GNA14: variants seen among roughly 807,000 people sequenced by gnomAD.
GNA14 encodes the protein guanine nucleotide-binding protein subunit alpha-14.
GNA14 carries 50 observed loss-of-function variants against 42.0 expected under a neutral mutation model. That is an observed-to-expected ratio of 1.19 (90% CI 0.95 to 1.51). The LOEUF (loss-of-function observed/expected upper bound fraction) is 1.51. GNA14 is among the 40% of genes most tolerant of loss of function. The pLI is 0.00. For synonymous variants in GNA14, 173 were observed against 163.1 expected (o/e 1.06, Z -0.46); for missense variants, 473 against 446.2 (o/e 1.06, Z -0.54).
chr9:77,604,197 A>G (rs1386535141), intron 1 of GNA14, among the ~76,000 whole-genome samples: 1 of 152,124 alleles, frequency 6.6e-6, no homozygotes, highest in Non-Finnish European at 1.5e-5. Flanking sequence ...AAAACACTTC[A>G]GTCAACAAAT....
chr9:77,613,831 T>C (rs1823770117), intron 1 of GNA14, among the ~76,000 whole-genome samples: 1 of 152,194 alleles, frequency 6.6e-6, no homozygotes, highest in Admixed American at 6.5e-5. Flanking sequence ...TGGCTCCCAC[T>C]ACTTTCTCTC....
chr9:77,565,892 A>T (rs1822960213), intron 1 of GNA14, among the ~76,000 whole-genome samples: 1 of 152,200 alleles, frequency 6.6e-6, no homozygotes, highest in African/African-American at 2.4e-5. Context: ...TCAGAAGAAA[A>T]AAAGTGCCAC....
At chr9:77,472,788 ATCTCTCTCTC>A (rs34429720) in intron 2 of GNA14, among the ~76,000 whole-genome samples, 3 of 142,102 alleles carry the variant, frequency 2.1e-5, no homozygotes, top group East Asian at 4.3e-4. Context: ...ACATGACATG[ATCTCTCTCTC>A]TCTCTCTCTC....
chr9:77,452,462 TA>T (rs534051346), intron 2 of GNA14, among the ~76,000 whole-genome samples: 380 of 151,586 alleles, frequency 2.5e-3, no homozygotes, highest in African/African-American at 9.0e-3. Context: ...TACATATCCT[TA>T]AAAAAAAGTT....
intron 1 of GNA14, among the ~76,000 whole-genome samples, chr9:77,546,475 C>G (rs1314096160): frequency 6.6e-6 from 1 of 152,102 alleles, no homozygotes; most frequent in Non-Finnish European, 1.5e-5. Flanking sequence ...TTCTGGCGCA[C>G]AGCTGTGAAT....
At chr9:77,547,076 C>T (rs986415064) in intron 1 of GNA14, among the ~76,000 whole-genome samples, 1 of 152,142 alleles carries the variant, frequency 6.6e-6, no homozygotes, top group Non-Finnish European at 1.5e-5. Flanking sequence ...TTTCATACAA[C>T]CTCTATCTTA....
intron 2 of GNA14, among the ~76,000 whole-genome samples, chr9:77,482,765 T>G (rs1836579223): frequency 6.6e-6 from 1 of 152,176 alleles, no homozygotes; most frequent in Non-Finnish European, 1.5e-5. Context: ...TTTTTATTCT[T>G]TTTTCTCTAA....
At chr9:77,440,523 T>C (rs1835714733) in intron 2 of GNA14, among the ~76,000 whole-genome samples, 1 of 152,268 alleles carries the variant, frequency 6.6e-6, no homozygotes, top group Non-Finnish European at 1.5e-5. Flanking sequence ...GGTTAAATTT[T>C]ATATTTTTAA....
intron 2 of GNA14, among the ~76,000 whole-genome samples, chr9:77,505,984 G>A (rs1837061869): frequency 6.6e-6 from 1 of 152,046 alleles, no homozygotes; most frequent in African/African-American, 2.4e-5. Flanking sequence ...AAGAGGCTGG[G>A]TATGGTGGCT....
chr9:77,559,108 A>G (rs1032249753), intron 1 of GNA14, among the ~76,000 whole-genome samples: 1 of 152,170 alleles, frequency 6.6e-6, no homozygotes, highest in Non-Finnish European at 1.5e-5. Context: ...GACATAAACC[A>G]GAGGACCTAT....
At position 77,431,465 on chromosome 9, in the gene GNA14, C is replaced by A. The variant is rs563731081; in HGVS notation, c.465-16G>T. ...AGTCAGGTAACTGTATATTAGAGAACGAGGAACTGACTCTCCTTTTAGAGC... is the reference window on the plus strand; with the variant it reads ...AGTCAGGTAACTGTATATTAGAGAAAGAGGAACTGACTCTCCTTTTAGAGC... On this transcript the variant is annotated splice_polypyrimidine_tract_variant and intron_variant, in intron 3 of 6. Coordinates refer to ENST00000341700, the MANE Select transcript of GNA14 (RefSeq NM_004297.4). The A allele has an allele frequency of 1.3e-6, 2 of 1,588,946 alleles. No homozygotes were observed. Among genetic ancestry groups the A allele is most frequent in the South Asian group, 1.1e-5 (1 of 88,042 alleles).
intron 1 of GNA14, among the ~76,000 whole-genome samples, chr9:77,548,844 A>G (rs982422124): frequency 2.0e-5 from 3 of 152,116 alleles, no homozygotes; most frequent in African/African-American, 7.2e-5. Flanking sequence ...TTCTTCCTCA[A>G]CCACCCCAGA....
chr9:77,634,523 G>A (rs1463762911), intron 1 of GNA14, among the ~76,000 whole-genome samples: 5 of 151,726 alleles, frequency 3.3e-5, no homozygotes, highest in African/African-American at 4.8e-5. Flanking sequence ...GAGGGAGGGA[G>A]GAGGCAAAAA....
chr9:77,587,001 A>G (rs1823315893), intron 1 of GNA14, among the ~76,000 whole-genome samples: 1 of 151,106 alleles, frequency 6.6e-6, no homozygotes. Flanking sequence ...TTAATAGAAA[A>G]TAAATGATTT....
intron 1 of GNA14, among the ~76,000 whole-genome samples, chr9:77,646,972 T>C (rs1240403150): frequency 6.6e-6 from 1 of 151,814 alleles, no homozygotes; most frequent in Non-Finnish European, 1.5e-5. Flanking sequence ...ACACACTGAG[T>C]CAAGCTGGGC....
chr9:77,625,988 C>A (rs1392654034), intron 1 of GNA14, among the ~76,000 whole-genome samples: 2 of 151,772 alleles, frequency 1.3e-5, no homozygotes, highest in Non-Finnish European at 2.9e-5. Flanking sequence ...ATTCAGGAGA[C>A]CCATCTCATG....
intron 1 of GNA14, among the ~76,000 whole-genome samples, chr9:77,578,753 C>T (rs62573431): frequency 0.033 from 5,051 of 152,206 alleles, 190 homozygotes; most frequent in African/African-American, 0.094. Context: ...ACCTCATTTC[C>T]GCACAAATTT....
chr9:77,643,606 AG>A (rs1418107474), intron 1 of GNA14, among the ~76,000 whole-genome samples: 3 of 152,212 alleles, frequency 2.0e-5, no homozygotes, highest in Admixed American at 1.3e-4. Context: ...CTTCCTGCCC[AG>A]GAACATGATG....
intron 2 of GNA14, among the ~76,000 whole-genome samples, chr9:77,440,995 C>G (rs769088376): frequency 6.6e-6 from 1 of 152,312 alleles, no homozygotes; most frequent in East Asian, 1.9e-4. Flanking sequence ...GGACTACAGG[C>G]GTGAGCCACC....
Sources: gnomAD v4.1 joint callset for allele counts (sites outside exome capture counted in the v4.1 genomes callset) on GRCh38, gnomAD v4.1.1 for gene constraint, MANE v1.5 for transcripts, NCBI Gene and HGNC (gene_info 2026-07-23, HGNC 2026-07-21) for gene names.